Variants in PLBD1 observed in about 807,000 individuals in gnomAD.
The protein encoded by PLBD1 is lysosomal leucine aminopeptidase.
A neutral mutation model predicts 63.0 loss-of-function variants in PLBD1; 60 were observed. The ratio of observed to expected loss-of-function variants is 0.95; its 90% confidence interval spans 0.77 to 1.18. PLBD1 has a LOEUF of 1.18. PLBD1 is among the 50% of genes most tolerant of loss of function. The pLI, the probability that PLBD1 is intolerant of heterozygous loss-of-function variation, is 0.00. For missense variants in PLBD1, 598 were observed against 677.9 expected, an observed-to-expected ratio of 0.88 and a Z score of 1.31; for synonymous variants, 262 against 248.0, an observed-to-expected ratio of 1.06 and a Z score of -0.53.
chr12:14,532,994 C>T (rs986217356), intron 6 of PLBD1: 1 of 152,140 alleles, frequency 6.6e-6, no homozygotes, highest in African/African-American at 2.4e-5. Flanking sequence ...TACTTTTGAC[C>T]TTCCCTGGGT....
chr12:14,506,683 A>G (rs1290280340), intron 9 of PLBD1, among the ~76,000 whole-genome samples: 1 of 151,838 alleles, frequency 6.6e-6, no homozygotes, highest in Non-Finnish European at 1.5e-5. Flanking sequence ...ACCCTCTATG[A>G]GTTATTTCTT....
chr12:14,519,128 T>C (rs1386612816), intron 6 of PLBD1, among the ~76,000 whole-genome samples: 3 of 152,198 alleles, frequency 2.0e-5, no homozygotes, highest in African/African-American at 7.2e-5. Flanking sequence ...AGATGGAGTA[T>C]GAGGCTTCCT....
At chr12:14,534,355 A>G (rs1471884790) in intron 6 of PLBD1, among the ~76,000 whole-genome samples, 1 of 152,152 alleles carries the variant, frequency 6.6e-6, no homozygotes, top group African/African-American at 2.4e-5. Flanking sequence ...GGTTGGGGCT[A>G]ACACATGCTA....
intron 1 of PLBD1, among the ~76,000 whole-genome samples, chr12:14,560,970 A>G (rs1945739159): frequency 6.6e-6 from 1 of 151,942 alleles, no homozygotes; most frequent in Non-Finnish European, 1.5e-5. Context: ...TGCCCTAGGA[A>G]GGGTTAACTC....
intron 1 of PLBD1, among the ~76,000 whole-genome samples, chr12:14,560,958 G>A (rs575994591): frequency 1.3e-5 from 2 of 152,040 alleles, no homozygotes; most frequent in Admixed American, 6.6e-5. Flanking sequence ...AAGGTCAAAC[G>A]TTGCCCTAGG....
At chr12:14,506,095 G>T in intron 10 of PLBD1, 67 bp downstream of exon 10, 2 of 1,077,784 alleles carry the variant, frequency 1.9e-6, no homozygotes, top group South Asian at 1.6e-5. Context: ...AAAAACCTGT[G>T]CAACTTTGCC....
intron 6 of PLBD1, among the ~76,000 whole-genome samples, chr12:14,531,966 A>G (rs1478131580): frequency 6.6e-6 from 1 of 152,222 alleles, no homozygotes; most frequent in Non-Finnish European, 1.5e-5. Context: ...GTAGGTACAT[A>G]AAAAGATAAA....
At chr12:14,504,031 T>C (rs1945228004) in intron 10 of PLBD1, 77 bp from the exon 11 acceptor site, 1 of 1,339,268 alleles carries the variant, frequency 7.5e-7, no homozygotes, top group Non-Finnish European at 1.0e-6. Flanking sequence ...TTCCCCACTC[T>C]CCCACTACCA....
At chr12:14,556,989 C>CAAA (rs71038607) in intron 1 of PLBD1, among the ~76,000 whole-genome samples, 22,566 of 75,806 alleles carry the variant, frequency 0.3, 4,047 homozygotes, top group East Asian at 0.53. Flanking sequence ...AATTCCCTCT[C>CAAA]AAAAAAAAAA....
Position 14,567,619 on chromosome 12 carries a change from CGG to C in PLBD1, c.76_77del (p.Pro26AlafsTer25). On this transcript the variant is annotated frameshift_variant, in exon 1 of 11. Coordinates refer to ENST00000240617, the MANE Select transcript of PLBD1 (RefSeq NM_024829.6). LOFTEE classifies it high-confidence loss of function. ...GCGGCTCCGCGGTGACTAACAACAG[CGG>C]CAGCAGCAGCAGCAGCAGCAGAAGC... is the stretch of plus-strand genomic sequence containing the variant. ...PPLLLLLLLLPLLLVTAEPPK... is the reference protein window; with the variant it reads ...PPLLLLLLLLXLLLVTAEPPK... 8 of 1,349,046 alleles carry C rather than the reference CGG, an allele frequency of 5.9e-6. No individual in the cohort carries two copies. Among genetic ancestry groups the C allele is most frequent in the Non-Finnish European group, 7.8e-6 (8 of 1,026,762 alleles). 83.6% of individuals were successfully genotyped at this position (1,349,046 alleles called of 1,614,324 possible). A position where few individuals can be genotyped will look rare whatever the true frequency, so the allele number is the denominator to read the frequency against.
intron 1 of PLBD1, among the ~76,000 whole-genome samples, chr12:14,556,919 G>A (rs1053566214): frequency 2.7e-5 from 4 of 146,180 alleles, no homozygotes; most frequent in African/African-American, 5.0e-5. Flanking sequence ...GGGAGGCGGA[G>A]GTTGCAGTGA....
chr12:14,552,685 G>T (rs1339862820), intron 2 of PLBD1, among the ~76,000 whole-genome samples: 1 of 152,184 alleles, frequency 6.6e-6, no homozygotes, highest in Non-Finnish European at 1.5e-5. Flanking sequence ...AGGATGGCTT[G>T]AGGTCAGGAG....
chr12:14,531,685 C>T (rs554495863), intron 6 of PLBD1, among the ~76,000 whole-genome samples: 186 of 152,280 alleles, frequency 1.2e-3, no homozygotes, highest in African/African-American at 4.3e-3. Context: ...AGCTGAAGTG[C>T]AGTGGTGCTA....
intron 3 of PLBD1, among the ~76,000 whole-genome samples, chr12:14,541,915 C>T (rs571664562): frequency 1.8e-4 from 27 of 152,302 alleles, no homozygotes; most frequent in Admixed American, 1.8e-3. Context: ...CCATGAGGAA[C>T]AGACCCAGGG....
intron 2 of PLBD1, among the ~76,000 whole-genome samples, chr12:14,544,986 A>T (rs1945606242): frequency 6.6e-6 from 1 of 151,966 alleles, no homozygotes; most frequent in Non-Finnish European, 1.5e-5. Context: ...TTTGGTGTGT[A>T]GGCATTTTTC....
rs537320033 is a variant in PLBD1, at chr12:14,541,372, A to G, written c.420-470T>C. Among the ~76,000 whole-genome samples the G allele has an allele frequency of 3.3e-5, 5 of 152,362 alleles. No homozygotes were observed. In the South Asian group the frequency reaches 1.0e-3, roughly 32 times the overall value. ...TCTCAGATCATTTGCATAGCTTATG[A>G]TTCATTCCGTTTCAGTTGTTATTAG... On this transcript the variant is annotated intron_variant, in intron 3 of 10. Transcript: ENST00000240617.
intron 5 of PLBD1, chr12:14,536,242 T>A: frequency 4.0e-6 from 1 of 252,286 alleles, no homozygotes; most frequent in Non-Finnish European, 7.6e-6. Context: ...GAGGTTGCAG[T>A]GAGGCAAGCT....
chr12:14,513,928 C>T (rs1237606737), intron 6 of PLBD1, among the ~76,000 whole-genome samples: 1 of 152,062 alleles, frequency 6.6e-6, no homozygotes, highest in African/African-American at 2.4e-5. Context: ...TACAGGCGCC[C>T]GCCACCACGC....
chr12:14,537,628 C>A (rs1945530835), intron 4 of PLBD1, among the ~76,000 whole-genome samples: 1 of 152,206 alleles, frequency 6.6e-6, no homozygotes, highest in Non-Finnish European at 1.5e-5. Flanking sequence ...TTTGTGCAAA[C>A]TGGAGAGCAC....
Sources: gnomAD v4.1 joint callset for allele counts (sites outside exome capture counted in the v4.1 genomes callset) on GRCh38, gnomAD v4.1.1 for gene constraint, MANE v1.5 for transcripts, NCBI Gene and HGNC (gene_info 2026-07-23, HGNC 2026-07-21) for gene names.